Variants in DACH1 observed in about 807,000 individuals in gnomAD.
DACH1 encodes dachshund homolog 1.
In DACH1, 12 loss-of-function variants were observed where a neutral mutation model predicts 54.2. That is an observed-to-expected ratio of 0.22 (90% CI 0.14 to 0.36). The LOEUF is 0.36. DACH1 is among the 10% of genes least tolerant of loss of function. The pLI is 1.00. For synonymous variants in DACH1, 386 were observed against 366.2 expected (o/e 1.05, Z -0.62); for missense variants, 805 against 929.8 (o/e 0.87, Z 1.75).
At chr13:71,666,095 T>C (rs1249597717) in intron 2 of DACH1, among the ~76,000 whole-genome samples, 3 of 152,248 alleles carry the variant, frequency 2.0e-5, no homozygotes, top group East Asian at 3.9e-4. Context: ...TAACAACATT[T>C]TGGCCAGAAA....
At chr13:71,748,886 CTTTCTTTCTT>C (rs1884759747) in intron 1 of DACH1, among the ~76,000 whole-genome samples, 19 of 27,270 alleles carry the variant, frequency 7.0e-4, no homozygotes, top group South Asian at 1.7e-3. Context: ...TTCTTTCTTT[CTTTCTTTCTT>C]TCTCTTTCTT....
chr13:71,528,552 C>T (rs893303461), intron 6 of DACH1, among the ~76,000 whole-genome samples: 2 of 151,452 alleles, frequency 1.3e-5, no homozygotes, highest in African/African-American at 4.9e-5. Context: ...CTCAGCCTCC[C>T]GAGTAGCTGG....
chr13:71,712,756 CTATT>C, intron 1 of DACH1, among the ~76,000 whole-genome samples: 1 of 152,080 alleles, frequency 6.6e-6, no homozygotes, highest in Middle Eastern at 3.4e-3. Context: ...TTATTTCAAC[CTATT>C]TAGTCAGCGT....
rs781297703 is a variant in DACH1, at chr13:71,845,703, G to T, written c.848+20219C>A. On this transcript the variant is annotated intron_variant, in intron 1 of 10. Coordinates refer to ENST00000613252, the MANE Select transcript of DACH1 (RefSeq NM_080759.6). ...AAGTATGGAGAGTGAACTAGAATTT[G>T]TCAAGAAAGGACTGGAATTATAATA... is the stretch of plus-strand genomic sequence containing the variant. Among the ~76,000 whole-genome samples the T allele has an allele frequency of 2.6e-5, 4 of 152,182 alleles. No individual in the cohort carries two copies. In the South Asian group the frequency reaches 6.2e-4, roughly 24 times the overall value.
chr13:71,604,012 C>A (rs1175938312), intron 3 of DACH1, among the ~76,000 whole-genome samples: 2 of 151,688 alleles, frequency 1.3e-5, no homozygotes, highest in Admixed American at 1.3e-4. Context: ...CTAGTTTATG[C>A]CATTATGTCA....
intron 6 of DACH1, among the ~76,000 whole-genome samples, chr13:71,555,858 T>C (rs1884217311): frequency 6.6e-6 from 1 of 152,126 alleles, no homozygotes; most frequent in Non-Finnish European, 1.5e-5. Flanking sequence ...GATATCAAGT[T>C]TCACAATAAA....
At chr13:71,766,087 T>C (rs932702651) in intron 1 of DACH1, among the ~76,000 whole-genome samples, 33 of 152,042 alleles carry the variant, frequency 2.2e-4, no homozygotes, top group East Asian at 1.9e-4. Flanking sequence ...GGGGTTTCAC[T>C]GTGTTAGCCA....
At chr13:71,820,022 T>G (rs73503508) in intron 1 of DACH1, among the ~76,000 whole-genome samples, 2,433 of 145,750 alleles carry the variant, frequency 0.017, 65 homozygotes, top group African/African-American at 0.058. Context: ...ATCCCACTAC[T>G]CTGAGAGGCC....
intron 2 of DACH1, among the ~76,000 whole-genome samples, chr13:71,677,171 C>T (rs886715852): frequency 5.9e-5 from 9 of 152,154 alleles, no homozygotes; most frequent in African/African-American, 1.7e-4. Context: ...TTTAAATAGA[C>T]GTCATCTTAT....
At chr13:71,754,362 C>T (rs562405586) in intron 1 of DACH1, among the ~76,000 whole-genome samples, 196 of 152,240 alleles carry the variant, frequency 1.3e-3, no homozygotes, top group South Asian at 6.2e-3. Flanking sequence ...CCTTTCCTTG[C>T]CCCCTTTCAT....
At chr13:71,733,257 G>T (rs867878233) in intron 1 of DACH1, among the ~76,000 whole-genome samples, 1 of 152,084 alleles carries the variant, frequency 6.6e-6, no homozygotes, top group Non-Finnish European at 1.5e-5. Flanking sequence ...TGTCTCCCAG[G>T]CTCAGGCTAT....
At position 71,479,241 on chromosome 13, in the gene DACH1, T is replaced by C. The variant is rs969912267; in HGVS notation, c.1798A>G (p.Met600Val). The change falls in exon 8 of 11, where the codon ATG becomes GTG. Residue 600 changes from methionine to valine, a missense_variant. Physicochemically the swap from Met to Val is conservative, Grantham distance 21. Around this residue, in one of 3 missense-constraint regions of DACH1, gnomAD observed 472 missense variants for 545.3 expected, o/e 0.87. Coordinates refer to ENST00000613252, the MANE Select transcript of DACH1 (RefSeq NM_080759.6). ...AGTTCTCTTTCCCTTAAAAAATCCA[T>C]CTTCAGCTCAGTTTTTTCCAGTTGG... ...QVQLEKTELKMDFLRERELRE... is the reference protein window; with the variant it reads ...QVQLEKTELKVDFLRERELRE... The C allele has an allele frequency of 2.5e-6, 4 of 1,613,868 alleles. No individual in the cohort carries two copies. The highest frequency in any genetic ancestry group is 2.2e-5 in the South Asian group (2 of 91,072).
chr13:71,666,141 T>C (rs1879818817), intron 2 of DACH1, among the ~76,000 whole-genome samples: 1 of 152,156 alleles, frequency 6.6e-6, no homozygotes, highest in African/African-American at 2.4e-5. Context: ...GGTAAAAAAA[T>C]ATACATAGAC....
At chr13:71,575,402 T>C (rs1320336005) in intron 3 of DACH1, among the ~76,000 whole-genome samples, 1 of 152,116 alleles carries the variant, frequency 6.6e-6, no homozygotes, top group East Asian at 1.9e-4. Flanking sequence ...TTGAGCTCCA[T>C]TTACAGCTAT....
intron 6 of DACH1, among the ~76,000 whole-genome samples, chr13:71,515,092 T>C (rs1881062913): frequency 6.6e-6 from 1 of 151,958 alleles, no homozygotes; most frequent in African/African-American, 2.4e-5. Context: ...ATATCTTTAA[T>C]CACACATGTT....
At position 71,782,429 on chromosome 13, in the gene DACH1, A is replaced by G. The variant is rs571119068; in HGVS notation, c.848+83493T>C. Among the ~76,000 whole-genome samples, 328 of 152,246 alleles carry G rather than the reference A, an allele frequency of 2.2e-3. 2 individuals carry two copies. The highest frequency in any genetic ancestry group is 7.6e-3 in the African/African-American group (317 of 41,526). ...TGCACTCCAGCCTGTGGACAGCAGG[A>G]GACTGTCTCAAATAAATAAATAAAT... On this transcript the variant is annotated intron_variant, in intron 1 of 10. Transcript: ENST00000613252.
At chr13:71,731,290 CT>C (rs1201969481) in intron 1 of DACH1, among the ~76,000 whole-genome samples, 206 of 131,052 alleles carry the variant, frequency 1.6e-3, no homozygotes, top group Middle Eastern at 3.9e-3. Context: ...TCTTGATCTT[CT>C]TTTTTTTTTT....
chr13:71,611,087 C>A (rs1210260024), intron 3 of DACH1, among the ~76,000 whole-genome samples: 1 of 152,068 alleles, frequency 6.6e-6, no homozygotes, highest in African/African-American at 2.4e-5. Flanking sequence ...TATAAGCAGT[C>A]CCTCGGCACT....
intron 3 of DACH1, among the ~76,000 whole-genome samples, chr13:71,595,290 A>G (rs995651530): frequency 6.6e-6 from 1 of 152,120 alleles, no homozygotes; most frequent in African/African-American, 2.4e-5. Context: ...CAGGAGCCCA[A>G]TCGTGGAAGG....
Sources: allele counts gnomAD v4.1 joint callset (sites outside exome capture counted in the v4.1 genomes callset), GRCh38; gene constraint gnomAD v4.1.1; regional missense constraint gnomAD v4.1.1; transcripts MANE v1.5; gene names NCBI Gene and HGNC (gene_info 2026-07-23, HGNC 2026-07-21).